Variants in CHN2 observed in about 807,000 individuals in gnomAD.
CHN2 encodes the protein beta-chimaerin.
A neutral mutation model predicts 56.3 loss-of-function variants in CHN2; 35 were observed. The observed-to-expected ratio is 0.62, with a 90% CI of 0.47 to 0.82. The LOEUF (loss-of-function observed/expected upper bound fraction) is 0.82. Among genes scored for constraint, CHN2 ranks in the 40% least tolerant of loss-of-function variants. The pLI, the probability that CHN2 is intolerant of heterozygous loss-of-function variation, is 0.00. For missense variants in CHN2, 491 were observed against 580.5 expected (o/e 0.85, Z 1.58); for synonymous variants, 210 against 212.8 (o/e 0.99, Z 0.12).
intron 3 of CHN2, among the ~76,000 whole-genome samples, chr7:29,377,658 A>C (rs63366460): frequency 0.81 from 122,335 of 151,498 alleles, 49,453 homozygotes; most frequent in Non-Finnish European, 0.84. Context: ...TGGTTTGGGC[A>C]AGGCCCACCT....
chr7:29,186,102 A>C (rs1798674359), intron 2 of CHN2, among the ~76,000 whole-genome samples: 1 of 152,192 alleles, frequency 6.6e-6, no homozygotes, highest in African/African-American at 2.4e-5. Context: ...TGATTAGGGA[A>C]TAATTTTGAT....
chr7:29,429,382 C>T (rs1288775252), intron 6 of CHN2, among the ~76,000 whole-genome samples: 4 of 152,148 alleles, frequency 2.6e-5, no homozygotes, highest in Non-Finnish European at 4.4e-5. Flanking sequence ...TTTCTGATCT[C>T]CTTTGAAACT....
chr7:29,201,269 T>C (rs1784138251), intron 1 of CHN2, among the ~76,000 whole-genome samples: 1 of 152,176 alleles, frequency 6.6e-6, no homozygotes, highest in South Asian at 2.1e-4. Context: ...ACTCAGAAAC[T>C]GTCTCATGCC....
intron 2 of CHN2, among the ~76,000 whole-genome samples, chr7:29,178,454 G>A (rs796624817): frequency 2.6e-5 from 4 of 152,070 alleles, no homozygotes; most frequent in Admixed American, 6.5e-5. Context: ...TGCCCAGCTC[G>A]TGTCTGACTC....
chr7:29,270,872 T>TC (rs1790581436), intron 1 of CHN2, among the ~76,000 whole-genome samples: 1 of 151,660 alleles, frequency 6.6e-6, no homozygotes, highest in Non-Finnish European at 1.5e-5. Flanking sequence ...GGCTTTTTTT[T>TC]CTGATAGGAA....
At chr7:29,329,827 C>G (rs2128902583) in intron 1 of CHN2, among the ~76,000 whole-genome samples, 1 of 152,280 alleles carries the variant, frequency 6.6e-6, no homozygotes, top group Admixed American at 6.5e-5. Flanking sequence ...TCTTATAACT[C>G]TTAAAACAGG....
chr7:29,483,634 A>C (rs1787605207), intron 7 of CHN2, among the ~76,000 whole-genome samples: 1 of 152,218 alleles, frequency 6.6e-6, no homozygotes, highest in African/African-American at 2.4e-5. Context: ...TATTTAGCTC[A>C]TTTTATAACT....
At chr7:29,504,935 A>G in intron 10 of CHN2, 114 bp downstream of exon 10, 1 of 689,762 alleles carries the variant, frequency 1.4e-6, no homozygotes, top group Non-Finnish European at 2.5e-6. Context: ...TTGTTCTTCA[A>G]GAAACGGAGG....
At chr7:29,324,545 A>G (rs1017981864) in intron 1 of CHN2, among the ~76,000 whole-genome samples, 5 of 151,886 alleles carry the variant, frequency 3.3e-5, no homozygotes, top group African/African-American at 1.2e-4. Flanking sequence ...ACTGTTGACA[A>G]TCTCTGCATC....
intron 2 of CHN2, among the ~76,000 whole-genome samples, chr7:29,147,647 A>G (rs991002989): frequency 3.9e-5 from 6 of 152,168 alleles, no homozygotes; most frequent in African/African-American, 1.4e-4. Context: ...CATACCTTCC[A>G]TATGGAAGTA....
At chr7:29,355,772 A>ATTTTTTTTT (rs1167339692) in intron 2 of CHN2, among the ~76,000 whole-genome samples, 1 of 52,388 alleles carries the variant, frequency 1.9e-5, no homozygotes, top group Admixed American at 3.4e-4. Context: ...AGATGGGACT[A>ATTTTTTTTT]TTTTTTTTTT....
intron 3 of CHN2, among the ~76,000 whole-genome samples, chr7:29,390,915 C>T (rs1224763802): frequency 3.9e-5 from 6 of 152,090 alleles, no homozygotes; most frequent in African/African-American, 9.7e-5. Flanking sequence ...GAAATGTAGA[C>T]GTTGTATGAT....
At chr7:29,356,918 G>A (rs1798360079) in intron 2 of CHN2, among the ~76,000 whole-genome samples, 1 of 152,194 alleles carries the variant, frequency 6.6e-6, no homozygotes, top group Non-Finnish European at 1.5e-5. Flanking sequence ...TTGCACACTG[G>A]CTCGCGCATG....
intron 7 of CHN2, among the ~76,000 whole-genome samples, chr7:29,489,713 A>C (rs1259098511): frequency 6.6e-6 from 1 of 152,190 alleles, no homozygotes; most frequent in African/African-American, 2.4e-5. Flanking sequence ...GTGTGGGGAC[A>C]CTGGGTGCTA....
rs1403216978 is a variant in CHN2, at chr7:29,384,336, C to T, written c.145-9343C>T. On this transcript the variant is annotated intron_variant, in intron 3 of 12. Coordinates refer to ENST00000222792, the MANE Select transcript of CHN2 (RefSeq NM_004067.4). ...TTATGGGCTTTGGAGTCAATTAGAC[C>T]TTGGTTTGGATCTCATCTCCCTGCC... Among the ~76,000 whole-genome samples the T allele has an allele frequency of 3.3e-5, 5 of 152,186 alleles. No homozygotes were observed. In the East Asian group the frequency reaches 9.7e-4, roughly 29 times the overall value.
intron 6 of CHN2, among the ~76,000 whole-genome samples, chr7:29,439,334 T>C (rs1783462180): frequency 6.6e-6 from 1 of 152,226 alleles, no homozygotes; most frequent in Non-Finnish European, 1.5e-5. Context: ...GCCTGGTATA[T>C]AACAACCATT....
intron 1 of CHN2, among the ~76,000 whole-genome samples, chr7:29,222,912 GGAATA>G (rs1158009895): frequency 6.6e-6 from 1 of 152,112 alleles, no homozygotes; most frequent in Non-Finnish European, 1.5e-5. Flanking sequence ...ATAGAGCAAA[GGAATA>G]GAATAGAGTT....
chr7:29,485,346 C>T (rs1288929699), intron 7 of CHN2, among the ~76,000 whole-genome samples: 2 of 152,098 alleles, frequency 1.3e-5, no homozygotes, highest in Non-Finnish European at 2.9e-5. Context: ...GACAGCAGCA[C>T]ATTAAACCAT....
intron 1 of CHN2, among the ~76,000 whole-genome samples, chr7:29,217,321 A>T (rs1041976389): frequency 6.6e-6 from 1 of 152,222 alleles, no homozygotes; most frequent in African/African-American, 2.4e-5. Context: ...CATGTTTTTA[A>T]CTAACTAAAT....
Sources: gnomAD v4.1 joint callset for allele counts (sites outside exome capture counted in the v4.1 genomes callset) on GRCh38, gnomAD v4.1.1 for gene constraint, MANE v1.5 for transcripts, NCBI Gene and HGNC (gene_info 2026-07-23, HGNC 2026-07-21) for gene names.